Variants in EFHC1 observed in about 807,000 individuals in gnomAD.
EFHC1 encodes the protein EF-hand domain containing 1, also known as EF-hand domain-containing protein 1.
In EFHC1, 53 loss-of-function variants were observed where a neutral mutation model predicts 69.9. That is an observed-to-expected ratio of 0.76 (90% CI 0.61 to 0.95). The LOEUF (loss-of-function observed/expected upper bound fraction) is 0.95, where lower values mean the gene tolerates loss of function less well. EFHC1 is among the 40% of genes least tolerant of loss of function. The pLI, the probability that EFHC1 is intolerant of heterozygous loss-of-function variation, is 0.00. For missense variants in EFHC1, 739 were observed against 798.7 expected, an observed-to-expected ratio of 0.93 and a Z score of 0.90; for synonymous variants, 256 against 278.4, an observed-to-expected ratio of 0.92 and a Z score of 0.80.
At chr6:52,460,211 A>G (rs1488127263) in intron 5 of EFHC1, among the ~76,000 whole-genome samples, 3 of 152,270 alleles carry the variant, frequency 2.0e-5, no homozygotes, top group African/African-American at 7.2e-5. Context: ...AAACAAAACA[A>G]TTATTGATGT....
chr6:52,442,558 T>C (rs1581821776), intron 3 of EFHC1, among the ~76,000 whole-genome samples: 1 of 152,204 alleles, frequency 6.6e-6, no homozygotes, highest in African/African-American at 2.4e-5. Context: ...TGGTTTTCTG[T>C]CCTTGCGATA....
In EFHC1 at chr6:52,437,933, C is replaced by G. The variant is rs146455547; in HGVS notation, c.286-371C>G. Among the ~76,000 whole-genome samples the G allele has an allele frequency of 4.6e-4, 70 of 152,270 alleles. 2 individuals are homozygous for G. The East Asian group carries it at 0.012, about 27-fold the overall frequency. Reference sequence around the variant, plus strand: ...TCTCTGTCACAACTATTCAACTCTTCCCTTGTAATGGGAGAGCAGCTGTTA... The same window carrying G: ...TCTCTGTCACAACTATTCAACTCTTGCCTTGTAATGGGAGAGCAGCTGTTA... On this transcript the variant is annotated intron_variant, in intron 2 of 10. Coordinates refer to ENST00000371068, the MANE Select transcript of EFHC1 (RefSeq NM_018100.4).
rs1409567281 is a variant in EFHC1 at position 52,496,672 on chromosome 6, CT to C, written c.*4335del. The stretch of plus-strand genomic sequence containing the variant: ...ATGACTCCCCACAAAACATGAAACC[CT>C]TTTGACACAGATGCACAAAAAGACT... On this transcript the variant is annotated 3_prime_UTR_variant, in exon 11 of 11. Coordinates refer to ENST00000371068, the MANE Select transcript of EFHC1 (RefSeq NM_018100.4). 1 of 152,218 alleles carries C rather than the reference CT, an allele frequency of 6.6e-6. No homozygotes were observed. Among genetic ancestry groups the C allele is most frequent in the Admixed American group, 6.5e-5 (1 of 15,272 alleles). 9.4% of individuals were successfully genotyped at this position (152,218 alleles called of 1,614,324 possible).
Position 52,469,350 on chromosome 6 carries a change from C to T in EFHC1, c.1155C>T (p.Asn385=), listed in dbSNP as rs115913738. The change falls in exon 7 of 11, where the codon AAC becomes AAT. Residue 385 remains asparagine, a synonymous_variant. Transcript: ENST00000371068. ...PPVKQELPPY[N]GFGLVEDSAQ... is the part of the protein sequence containing the mutation. ...ATCTCCAGGAGTTGCCTCCTTATAA[C>T]GGTTTTGGACTAGTGGAAGATTCTG... 3.9e-4 allele frequency: 629 copies of T among 1,613,952 alleles called. 4 individuals are homozygous for T. The African/African-American group carries it at 7.0e-3, about 18-fold the overall frequency.
intron 5 of EFHC1, among the ~76,000 whole-genome samples, chr6:52,459,652 GT>G (rs1245294178): frequency 1.3e-5 from 2 of 151,802 alleles, no homozygotes. Context: ...AGCGTGACAG[GT>G]TTTTTTGTTT....
rs59794069 is a variant in EFHC1, at chr6:52,493,365, CATAT to C, written c.*1041_*1044del. ...ATAACTCTCTCTTTCTCTCTCTCTA[CATAT>C]ATATATATATATATATTTTATATGT... is the stretch of plus-strand genomic sequence containing the variant. On this transcript the variant is annotated 3_prime_UTR_variant, in exon 11 of 11. Coordinates refer to ENST00000371068, the MANE Select transcript of EFHC1 (RefSeq NM_018100.4). 823 of 168,128 alleles carry C rather than the reference CATAT, an allele frequency of 4.9e-3. 77 individuals carry two copies. Among genetic ancestry groups the C allele is most frequent in the African/African-American group, 0.029 (663 of 23,252 alleles). The allele number at this position is 168,128 out of a possible 1,614,324, so 10.4% of individuals were successfully genotyped here.
chr6:52,471,492 CAAGAT>C (rs1262091524), intron 7 of EFHC1, among the ~76,000 whole-genome samples: 1 of 151,944 alleles, frequency 6.6e-6, no homozygotes, highest in Admixed American at 6.6e-5. Flanking sequence ...AGAAACAAGA[CAAGAT>C]AACATAAAGA....
chr6:52,430,888 G>A (rs1764399394), intron 2 of EFHC1, among the ~76,000 whole-genome samples: 1 of 152,028 alleles, frequency 6.6e-6, no homozygotes, highest in African/African-American at 2.4e-5. Context: ...CTTGTTGTTG[G>A]TCTGTTCAGG....
chr6:52,423,782 A>C (rs1197188968), intron 1 of EFHC1, 164 bp from the exon 2 acceptor site: 30 of 1,523,388 alleles, frequency 2.0e-5, no homozygotes, highest in Non-Finnish European at 2.5e-5. Flanking sequence ...CTGGGATTAT[A>C]GGCACGAGCC....
intron 5 of EFHC1, among the ~76,000 whole-genome samples, chr6:52,464,522 G>A (rs185579304): frequency 2.1e-3 from 318 of 152,254 alleles, no homozygotes; most frequent in African/African-American, 7.4e-3. Context: ...TGGATAAACG[G>A]GTGGGAATTT....
intron 5 of EFHC1, among the ~76,000 whole-genome samples, chr6:52,459,598 A>G (rs1003466050): frequency 2.6e-5 from 4 of 152,236 alleles, no homozygotes; most frequent in African/African-American, 9.6e-5. Flanking sequence ...AAAATTTCAC[A>G]CACTGCTAGT....
At chr6:52,458,186 C>T (rs577977723) in intron 5 of EFHC1, among the ~76,000 whole-genome samples, 1 of 152,178 alleles carries the variant, frequency 6.6e-6, no homozygotes, top group South Asian at 2.1e-4. Context: ...AACTTCAACC[C>T]TTACCTCACC....
chr6:52,458,378 A>G (rs1415021774), intron 5 of EFHC1, among the ~76,000 whole-genome samples: 2 of 152,240 alleles, frequency 1.3e-5, no homozygotes, highest in African/African-American at 4.8e-5. Context: ...AGCCTACAGA[A>G]TGGGAGAAAA....
In EFHC1 at chr6:52,442,745, G is replaced by A. The variant is rs554383623; in HGVS notation, c.573+4154G>A. On this transcript the variant is annotated intron_variant, in intron 3 of 10. Transcript: ENST00000371068. ...AGTCTTTGCTATTGTGAATAGTGCCGCAATAAACATATGTGTGCATGTGAC... is the reference window on the plus strand; with the variant it reads ...AGTCTTTGCTATTGTGAATAGTGCCACAATAAACATATGTGTGCATGTGAC... 4.6e-5 allele frequency among the ~76,000 whole-genome samples: 7 copies of A among 152,174 alleles called. No individual in the cohort carries two copies. The East Asian group carries it at 5.8e-4, about 13-fold the overall frequency.
chr6:52,461,809 T>C (rs544492781), intron 5 of EFHC1, among the ~76,000 whole-genome samples: 1 of 152,138 alleles, frequency 6.6e-6, no homozygotes. Flanking sequence ...ATTAGTATAA[T>C]ACAAAAAGAC....
At chr6:52,459,539 A>G (rs1008459483) in intron 5 of EFHC1, among the ~76,000 whole-genome samples, 3 of 152,260 alleles carry the variant, frequency 2.0e-5, no homozygotes, top group Non-Finnish European at 4.4e-5. Context: ...AATGTCCAAA[A>G]TTAAAAAGAC....
intron 9 of EFHC1, chr6:52,486,461 G>A (rs982987810): frequency 6.6e-6 from 1 of 152,116 alleles, no homozygotes; most frequent in African/African-American, 2.4e-5. Context: ...CCATTAACAT[G>A]CCTATTTGTG....
intron 7 of EFHC1, among the ~76,000 whole-genome samples, chr6:52,471,450 C>T (rs1765433376): frequency 6.6e-6 from 1 of 152,086 alleles, no homozygotes; most frequent in Non-Finnish European, 1.5e-5. Context: ...ATGTGTGGCA[C>T]TCACAAAAAC....
rs1251134493 is a variant in EFHC1, at chr6:52,490,140, C to T, written c.1641C>T (p.Ser547=). ...KREAPAPEAE[S]KQTEKDPGVQ... ...AGTCATTTCCTTCCTTTCTCTACAG[C>T]AAGCAAACTGAAAAGGATCCAGGCG... Residue 547 remains serine, a splice_region_variant and synonymous_variant, in exon 10 of 11, where the codon AGC becomes AGT. Coordinates refer to ENST00000371068, the MANE Select transcript of EFHC1 (RefSeq NM_018100.4). 6.2e-7 allele frequency: 1 copy of T among 1,613,458 alleles called. No individual in the cohort carries two copies. Among genetic ancestry groups the T allele is most frequent in the Non-Finnish European group, 8.5e-7 (1 of 1,179,764 alleles).
Sources: gnomAD v4.1 joint callset for allele counts (sites outside exome capture counted in the v4.1 genomes callset) on GRCh38, gnomAD v4.1.1 for gene constraint, MANE v1.5 for transcripts, NCBI Gene and HGNC (gene_info 2026-07-23, HGNC 2026-07-21) for gene names.